SLC51A: variants seen among roughly 807,000 people sequenced by gnomAD.
SLC51A encodes solute carrier family 51 member A, also known as organic solute transporter subunit alpha.
Under a neutral mutation model 34.8 loss-of-function variants are expected in SLC51A, and 22 were observed. The observed-to-expected ratio is 0.63, with a 90% CI of 0.45 to 0.90. The LOEUF (loss-of-function observed/expected upper bound fraction) is 0.90. Ranked by LOEUF, SLC51A falls within the 40% of genes least tolerant of loss-of-function variation. SLC51A has a pLI of 0.00. For missense variants in SLC51A, 371 were observed against 414.8 expected (o/e 0.89, Z 0.92); for synonymous variants, 181 against 176.3 (o/e 1.03, Z -0.21).
chr3:196,227,853 A>T (rs1723935832), intron 4 of SLC51A, 116 bp downstream of exon 4: 2 of 1,088,014 alleles, frequency 1.8e-6, no homozygotes, highest in East Asian at 4.9e-5. Flanking sequence ...AGCTTGTGCT[A>T]GTTCCGGGCT....
rs774232869 is a variant in SLC51A, at chr3:196,216,745, C to A, written c.33C>A (p.Asp11Glu). ...CGGGCAGGACCCAGATAAAGCTTGA[C>A]CCCAGGTAAGTGAGGGCGGCGGGCC... MEPGRTQIKL[D>E]PRYTADLLEV... The change falls in exon 1 of 9, where the codon GAC (aspartate) becomes GAA (glutamate). Residue 11 changes from aspartate (D) to glutamate (E), a missense_variant. Asp to Glu is a conservative substitution (Grantham distance 45, BLOSUM62 2). Coordinates refer to ENST00000296327, the MANE Select transcript of SLC51A (RefSeq NM_152672.6). This position sits in a 1 kb window ranked among gnomAD's most constrained non-coding sequence, Gnocchi z 4.5. 4.4e-6 allele frequency: 7 copies of A among 1,577,512 alleles called. No homozygotes were observed. In the South Asian group the frequency reaches 5.8e-5, roughly 13 times the overall value.
chr3:196,216,897 C>A lies in SLC51A; in HGVS notation c.38+147C>A. On this transcript the variant is annotated intron_variant, in intron 1 of 8. Transcript: ENST00000296327. The surrounding 1 kb of genome is among the most constrained non-coding windows in gnomAD (Gnocchi z 4.5). ...AATGCTCTAGCTGTTCCTAGGTCCT[C>A]AGGGACAACGTGGGTTTGGGCCAGG... 1 of 920,312 alleles carries A rather than the reference C, an allele frequency of 1.1e-6. No homozygotes were observed. Among genetic ancestry groups the A allele is most frequent in the Non-Finnish European group, 1.6e-6 (1 of 621,672 alleles). 57.0% of individuals were successfully genotyped at this position (920,312 alleles called of 1,614,324 possible).
In SLC51A at chr3:196,228,330, G is replaced by A; in HGVS notation, c.521+57G>A. On this transcript the variant is annotated intron_variant, in intron 5 of 8. Transcript: ENST00000296327. This position sits in a 1 kb window ranked among gnomAD's most constrained non-coding sequence, Gnocchi z 4.9. ...GCCGGGGAGCCTCTCCTGGACCCCT[G>A]GTCCCCTTCAAGGCTCTGGGAATTA... 1 of 1,562,662 alleles carries A rather than the reference G, an allele frequency of 6.4e-7. No individual in the cohort carries two copies. The highest frequency in any genetic ancestry group is 1.8e-5 in the Admixed American group (1 of 54,424).
intron 2 of SLC51A, among the ~76,000 whole-genome samples, chr3:196,224,789 A>G (rs1723857304): frequency 1.4e-5 from 2 of 139,044 alleles, no homozygotes; most frequent in African/African-American, 5.5e-5. Flanking sequence ...GGAGGAGAGG[A>G]GAGTTGTCTG....
At chr3:196,230,136 T>C in intron 7 of SLC51A, 75 bp downstream of exon 7, 1 of 1,361,944 alleles carries the variant, frequency 7.3e-7, no homozygotes, top group Non-Finnish European at 9.7e-7. Flanking sequence ...GTGAGGCCAA[T>C]AAAGGCTAAA....
chr3:196,219,290 C>T (rs1267639152), intron 2 of SLC51A, among the ~76,000 whole-genome samples: 1 of 152,146 alleles, frequency 6.6e-6, no homozygotes, highest in African/African-American at 2.4e-5. Flanking sequence ...TGGGGCTCAG[C>T]TTATTCCCCG....
rs111867519 is a variant in SLC51A at position 196,227,843 on chromosome 3, A to G, written c.362+106A>G. The G allele has an allele frequency of 5.2e-6, 6 of 1,150,490 alleles. 1 individual carries two copies. The African/African-American group carries it at 7.7e-5, about 15-fold the overall frequency. 71.3% of individuals were successfully genotyped at this position (1,150,490 alleles called of 1,614,324 possible). On this transcript the variant is annotated intron_variant, in intron 4 of 8. Transcript: ENST00000296327. ...GCTGACCATGTATCTGGCCCTTCCC[A>G]GCTTGTGCTAGTTCCGGGCTCTTGC...
At chr3:196,229,621 C>T (rs1723983397) in intron 6 of SLC51A, among the ~76,000 whole-genome samples, 2 of 151,574 alleles carry the variant, frequency 1.3e-5, no homozygotes, top group Admixed American at 1.3e-4. Context: ...AGGTGATCCG[C>T]CCGCCTCTGC....
chr3:196,221,472 C>G (rs969037560), intron 2 of SLC51A, among the ~76,000 whole-genome samples: 7 of 152,032 alleles, frequency 4.6e-5, no homozygotes, highest in Non-Finnish European at 1.0e-4. Context: ...GACTTCGTTG[C>G]CCAGGCTGAT....
At position 196,217,860 on chromosome 3, in the gene SLC51A, G is replaced by A; in HGVS notation, c.57G>A (p.Leu19=). Residue 19 remains leucine (L), a synonymous_variant, in exon 2 of 9, where the codon CTG becomes CTA. Coordinates refer to ENST00000296327, the MANE Select transcript of SLC51A (RefSeq NM_152672.6). ...KLDPRYTADL[L]EVLKTNYGIP... The stretch of plus-strand genomic sequence containing the variant: ...TCGCCAGGTACACAGCAGATCTTCT[G>A]GAGGTGCTGAAGACCAATTACGGCA... 1 of 1,613,710 alleles carries A rather than the reference G, an allele frequency of 6.2e-7. No homozygotes were observed. Among genetic ancestry groups the A allele is most frequent in the Non-Finnish European group, 8.5e-7 (1 of 1,179,868 alleles).
intron 2 of SLC51A, among the ~76,000 whole-genome samples, chr3:196,221,263 A>AAG (rs1016655730): frequency 1.3e-5 from 2 of 152,058 alleles, no homozygotes; most frequent in Non-Finnish European, 1.5e-5. Flanking sequence ...ATTTAAAAAA[A>AAG]AGAGAGAGAG....
intron 6 of SLC51A, among the ~76,000 whole-genome samples, 154 bp downstream of exon 6, chr3:196,229,074 G>C (rs1008852872): frequency 6.6e-6 from 1 of 152,084 alleles, no homozygotes; most frequent in African/African-American, 2.4e-5. Context: ...GGAGAGAACC[G>C]CAATAGGCCA....
At position 196,216,616 on chromosome 3, in the gene SLC51A, G is replaced by T; in HGVS notation, c.-97G>T. The stretch of plus-strand genomic sequence containing the variant: ...TGCAATTCTGCTTGCCCCCCACCCC[G>T]GCCCAGGCAAGCCACCCTGCCCCCG... On this transcript the variant is annotated 5_prime_UTR_variant, in exon 1 of 9. Coordinates refer to ENST00000296327, the MANE Select transcript of SLC51A (RefSeq NM_152672.6). The surrounding 1 kb of genome is among the most constrained non-coding windows in gnomAD (Gnocchi z 4.5). 1 of 768,430 alleles carries T rather than the reference G, an allele frequency of 1.3e-6. No homozygotes were observed. 47.6% of individuals were successfully genotyped at this position (768,430 alleles called of 1,614,324 possible).
intron 2 of SLC51A, among the ~76,000 whole-genome samples, chr3:196,224,904 A>T (rs1042395603): frequency 3.0e-4 from 46 of 152,256 alleles, no homozygotes; most frequent in African/African-American, 8.9e-4. Flanking sequence ...TTTAATTTTT[A>T]AAAAAGTGAC....
rs767742449 is a variant in SLC51A at position 196,233,107 on chromosome 3, GT to G, written c.932del (p.Val311GlyfsTer2). ...CATACTGGAGACTTTTCTAATGACT[GT>G]GCTGACACGAATGTACTACCGAAGG... ...LLILETFLMT[V>X]LTRMYYRRKD... On this transcript the variant is annotated frameshift_variant, in exon 9 of 9. Transcript: ENST00000296327. LOFTEE classifies it high-confidence loss of function. 1.2e-6 allele frequency: 2 copies of G among 1,614,166 alleles called. No individual in the cohort carries two copies. Among genetic ancestry groups the G allele is most frequent in the Non-Finnish European group, 1.7e-6 (2 of 1,180,002 alleles).
chr3:196,227,653 C>T lies in SLC51A; in HGVS notation c.289-11C>T. 6.2e-7 allele frequency: 1 copy of T among 1,613,616 alleles called. No homozygotes were observed. Among genetic ancestry groups the T allele is most frequent in the Non-Finnish European group, 8.5e-7 (1 of 1,179,696 alleles). On this transcript the variant is annotated splice_polypyrimidine_tract_variant and intron_variant, in intron 3 of 8. Transcript: ENST00000296327. ...CTCCCGCCCTCACCTGCTCCTGCCC[C>T]TTCTGAGCAGGTGGTGTCTGTGCTG... is the stretch of plus-strand genomic sequence containing the variant.
Position 196,218,406 on chromosome 3 carries a change from T to G in SLC51A, c.133+470T>G, listed in dbSNP as rs1458637093. On this transcript the variant is annotated intron_variant, in intron 2 of 8. Transcript: ENST00000296327. Reference sequence around the variant, plus strand: ...TGTATTTGTTTTACGATCCAGCCTTTCTGAAAAACCTTTGTCCTCACTGGA... The same window carrying G: ...TGTATTTGTTTTACGATCCAGCCTTGCTGAAAAACCTTTGTCCTCACTGGA... Among the ~76,000 whole-genome samples, 4 of 152,252 alleles carry G rather than the reference T, an allele frequency of 2.6e-5. No individual in the cohort carries two copies. The East Asian group carries it at 7.7e-4, about 29-fold the overall frequency.
rs560125071 is a variant in SLC51A, at chr3:196,219,705, T to A, written c.133+1769T>A. Among the ~76,000 whole-genome samples, 30 of 152,300 alleles carry A rather than the reference T, an allele frequency of 2.0e-4. 1 individual carries two copies. Among genetic ancestry groups the A allele is most frequent in the African/African-American group, 6.7e-4 (28 of 41,580 alleles). Reference sequence around the variant, plus strand: ...CAGCAGCTGTCCCCCCAGGGAATATTTGGCAGTGTCGGGAGACTTCCGGTT... The same window carrying A: ...CAGCAGCTGTCCCCCCAGGGAATATATGGCAGTGTCGGGAGACTTCCGGTT... On this transcript the variant is annotated intron_variant, in intron 2 of 8. Coordinates refer to ENST00000296327, the MANE Select transcript of SLC51A (RefSeq NM_152672.6).
At chr3:196,217,804 G>T (rs566503522) in intron 1 of SLC51A, 38 bp from the exon 2 acceptor site, 2 of 1,590,650 alleles carry the variant, frequency 1.3e-6, no homozygotes, top group African/African-American at 2.7e-5. Context: ...CCTTCCCCCA[G>T]CCCCCATGGT....
Sources: allele counts gnomAD v4.1 joint callset (sites outside exome capture counted in the v4.1 genomes callset), GRCh38; gene constraint gnomAD v4.1.1; non-coding constraint Gnocchi (gnomAD v3.1); transcripts MANE v1.5; gene names NCBI Gene and HGNC (gene_info 2026-07-23, HGNC 2026-07-21).